The following CPT1A variants were observed in gnomAD, a reference collection of about 807,000 sequenced individuals.
The protein encoded by CPT1A is carnitine palmitoyltransferase 1A, also known as carnitine O-palmitoyltransferase 1, liver isoform.
A neutral mutation model predicts 100.8 loss-of-function variants in CPT1A; 64 were observed. The observed-to-expected ratio is 0.63, with a 90% CI of 0.52 to 0.78. The LOEUF (loss-of-function observed/expected upper bound fraction) is 0.78. CPT1A is among the 30% of genes least tolerant of loss of function. The probability of loss-of-function intolerance (pLI) is 0.00; values close to 1 mark genes in which losing one functional copy is unlikely to be tolerated. For missense variants in CPT1A, 802 were observed against 1,034.1 expected, an observed-to-expected ratio of 0.78 and a Z score of 3.08; for synonymous variants, 363 against 396.0, an observed-to-expected ratio of 0.92 and a Z score of 0.99.
chr11:68,766,190 A>C (rs949693692), intron 14 of CPT1A, among the ~76,000 whole-genome samples: 1 of 151,904 alleles, frequency 6.6e-6, no homozygotes, highest in Admixed American at 6.6e-5. Context: ...CATAACCTTG[A>C]AGGACCCCTT....
intron 9 of CPT1A, 37 bp from the exon 10 acceptor site, chr11:68,785,047 G>T: frequency 6.2e-7 from 1 of 1,602,154 alleles, no homozygotes; most frequent in East Asian, 2.2e-5. Flanking sequence ...AAAACCAAGA[G>T]TCCCAAGTTC....
chr11:68,802,646 A>C (rs1855933664), intron 5 of CPT1A, among the ~76,000 whole-genome samples: 1 of 151,944 alleles, frequency 6.6e-6, no homozygotes, highest in African/African-American at 2.4e-5. Flanking sequence ...AGGCAGGAGA[A>C]TGGTGTGAAC....
Position 68,841,689 on chromosome 11 carries a change from G to T in CPT1A, c.-14+86C>A. Reference sequence around the variant, plus strand: ...CGTCCCCCACCCGGTCCGGTTCCCGGCAGCCCCGCGCCCCGCCCGTCCCCG... The same window carrying T: ...CGTCCCCCACCCGGTCCGGTTCCCGTCAGCCCCGCGCCCCGCCCGTCCCCG... On this transcript the variant is annotated intron_variant, in intron 1 of 18. Transcript: ENST00000265641. This position sits in a 1 kb window ranked among gnomAD's most constrained non-coding sequence, Gnocchi z 6.3. The T allele has an allele frequency of 1.4e-6, 1 of 739,078 alleles. No homozygotes were observed. Among genetic ancestry groups the T allele is most frequent in the South Asian group, 5.8e-5 (1 of 17,322 alleles). 45.8% of individuals were successfully genotyped at this position (739,078 alleles called of 1,614,324 possible).
chr11:68,764,033 C>A (rs1854714817), intron 14 of CPT1A, among the ~76,000 whole-genome samples: 1 of 152,116 alleles, frequency 6.6e-6, no homozygotes, highest in Non-Finnish European at 1.5e-5. Context: ...GGCATCTGGG[C>A]CTAGAGAGGA....
chr11:68,760,168 C>T (rs1566338362), intron 17 of CPT1A, 57 bp downstream of exon 17: 1 of 1,242,046 alleles, frequency 8.1e-7, no homozygotes, highest in South Asian at 1.3e-5. Context: ...CATCACACCC[C>T]ATTACCCATC....
At chr11:68,835,629 G>C (rs188660314) in intron 1 of CPT1A, among the ~76,000 whole-genome samples, 88 of 152,272 alleles carry the variant, frequency 5.8e-4, no homozygotes, top group African/African-American at 2.1e-3. Context: ...GACAGGTTCA[G>C]ACCCACCACC....
intron 1 of CPT1A, among the ~76,000 whole-genome samples, chr11:68,815,930 C>A (rs1451853617): frequency 1.4e-5 from 2 of 147,610 alleles, no homozygotes; most frequent in Admixed American, 1.4e-4. Flanking sequence ...CCCGTGGTAC[C>A]CCAACCCTGG....
intron 9 of CPT1A, among the ~76,000 whole-genome samples, chr11:68,787,679 C>T (rs1385494856): frequency 2.0e-5 from 3 of 151,870 alleles, no homozygotes; most frequent in African/African-American, 4.8e-5. Context: ...CGGTGGCTCA[C>T]GTCTATAATC....
At chr11:68,817,458 G>A (rs567184280) in intron 1 of CPT1A, among the ~76,000 whole-genome samples, 4 of 152,232 alleles carry the variant, frequency 2.6e-5, no homozygotes, top group African/African-American at 9.6e-5. Context: ...AGCAGAAAAG[G>A]TCCCTCTGCC....
At chr11:68,792,324 G>A (rs746996747) in intron 9 of CPT1A, among the ~76,000 whole-genome samples, 10 of 151,926 alleles carry the variant, frequency 6.6e-5, no homozygotes, top group Non-Finnish European at 1.3e-4. Context: ...GCAACAGAGC[G>A]AGACTCCCTC....
downstream of CPT1A, chr11:68,754,781 C>T (rs1946661888): frequency 1.3e-6 from 1 of 780,876 alleles, no homozygotes; most frequent in Non-Finnish European, 2.4e-6. Flanking sequence ...TCCTCCAAGG[C>T]CTTGTTTCCA....
Position 68,841,206 on chromosome 11 carries a change from T to G in CPT1A, c.-14+569A>C. Reference sequence around the variant, plus strand: ...CAGCCGCACTGCACCTGCCCGTAGGTGACCAACCCACGGGCGGACCCCCAG... The same window carrying G: ...CAGCCGCACTGCACCTGCCCGTAGGGGACCAACCCACGGGCGGACCCCCAG... On this transcript the variant is annotated intron_variant, in intron 1 of 18. Coordinates refer to ENST00000265641, the MANE Select transcript of CPT1A (RefSeq NM_001876.4). This position sits in a 1 kb window ranked among gnomAD's most constrained non-coding sequence, Gnocchi z 6.3. Among the ~76,000 whole-genome samples the G allele has an allele frequency of 6.6e-6, 1 of 151,588 alleles. No individual in the cohort carries two copies. The highest frequency in any genetic ancestry group is 1.5e-5 in the Non-Finnish European group (1 of 67,860).
At chr11:68,823,853 G>C (rs1252943908) in intron 1 of CPT1A, among the ~76,000 whole-genome samples, 1 of 151,986 alleles carries the variant, frequency 6.6e-6, no homozygotes, top group Non-Finnish European at 1.5e-5. Context: ...GCAACTGGAG[G>C]CCTTTATCCT....
intron 1 of CPT1A, among the ~76,000 whole-genome samples, chr11:68,835,969 C>G (rs1856999381): frequency 6.6e-6 from 1 of 152,200 alleles, no homozygotes; most frequent in South Asian, 2.1e-4. Flanking sequence ...TTCTTTGTCC[C>G]TTTCCAACTG....
chr11:68,768,910 G>T (rs982035086), intron 14 of CPT1A, among the ~76,000 whole-genome samples: 1 of 152,004 alleles, frequency 6.6e-6, no homozygotes, highest in African/African-American at 2.4e-5. Flanking sequence ...CCCTGCCTCA[G>T]TCCACCCTCA....
chr11:68,822,769 C>T (rs75817107), intron 1 of CPT1A, among the ~76,000 whole-genome samples: 2 of 152,250 alleles, frequency 1.3e-5, no homozygotes, highest in Non-Finnish European at 2.9e-5. Context: ...GAATGGACCT[C>T]CGACACCTGC....
chr11:68,755,294 T>C lies in CPT1A; in HGVS notation c.*2350A>G, dbSNP rs2153994225. 6.2e-6 allele frequency: 1 copy of C among 161,434 alleles called. No homozygotes were observed. Among genetic ancestry groups the C allele is most frequent in the Middle Eastern group, 5.2e-4 (1 of 1,932 alleles). The allele number at this position is 161,434 out of a possible 1,614,324, so 10.0% of individuals were successfully genotyped here. ...CAGTGCATGATCTAGCTGGCTCTGA[T>C]AGGGACTGACGCCGGCTGCTGGCTT... is the stretch of plus-strand genomic sequence containing the variant. On this transcript the variant is annotated 3_prime_UTR_variant, in exon 19 of 19. Coordinates refer to ENST00000265641, the MANE Select transcript of CPT1A (RefSeq NM_001876.4).
chr11:68,820,362 G>A (rs538704415), intron 1 of CPT1A, among the ~76,000 whole-genome samples: 98 of 151,932 alleles, frequency 6.5e-4, no homozygotes, highest in East Asian at 3.1e-3. Flanking sequence ...AGTTATCCAT[G>A]GTCAACCACC....
intron 1 of CPT1A, among the ~76,000 whole-genome samples, chr11:68,830,680 GC>G (rs1337738822): frequency 6.6e-6 from 1 of 152,194 alleles, no homozygotes; most frequent in African/African-American, 2.4e-5. Flanking sequence ...AGGCCCACCA[GC>G]CTTGACCTAT....
Sources: gnomAD v4.1 joint callset for allele counts (sites outside exome capture counted in the v4.1 genomes callset) on GRCh38, gnomAD v4.1.1 for gene constraint, Gnocchi (gnomAD v3.1) non-coding constraint, MANE v1.5 for transcripts, NCBI Gene and HGNC (gene_info 2026-07-23, HGNC 2026-07-21) for gene names.